Variants in PUM1 observed in about 807,000 individuals in gnomAD.
PUM1 encodes pumilio homolog 1.
In PUM1, 13 loss-of-function variants were observed where a neutral mutation model predicts 131.8. That is an observed-to-expected ratio of 0.10 (90% CI 0.06 to 0.16). The LOEUF is 0.16. Ranked by LOEUF, PUM1 falls within the 10% of genes least tolerant of loss-of-function variation. PUM1 has a pLI of 1.00. For missense variants in PUM1, 961 were observed against 1,512.4 expected (o/e 0.64, Z 6.05); for synonymous variants, 509 against 556.5 (o/e 0.91, Z 1.20).
rs58848270 is a variant in PUM1 at position 30,942,191 on chromosome 1, T to TTATATA, written c.2995-74_2995-69dup. On this transcript the variant is annotated intron_variant, in intron 18 of 21. Transcript: ENST00000426105. ...ACCACCTTCAATGCTTCAGTATTGTTTATATATATATATATATATATATAT... is the reference window on the plus strand; with the variant it reads ...ACCACCTTCAATGCTTCAGTATTGTTTATATATATATATATATATATATATATATAT... The TTATATA allele has an allele frequency of 7.9e-3, 1,145 of 144,734 alleles. 49 individuals are homozygous for TTATATA. The highest frequency in any genetic ancestry group is 0.012 in the African/African-American group (199 of 16,516). The allele number at this position is 144,734 out of a possible 1,614,324, so 9.0% of individuals were successfully genotyped here.
intron 1 of PUM1, among the ~76,000 whole-genome samples, chr1:31,063,227 CA>C (rs1403747459): frequency 6.6e-6 from 1 of 152,156 alleles, no homozygotes; most frequent in African/African-American, 2.4e-5. Context: ...TTTCACTAAA[CA>C]AAACTACCTG....
At chr1:31,038,974 A>ATTTTTTTTTTTT (rs1557599182) in intron 2 of PUM1, among the ~76,000 whole-genome samples, 7 of 30,702 alleles carry the variant, frequency 2.3e-4, no homozygotes, top group African/African-American at 1.6e-3. Flanking sequence ...ATATATATAT[A>ATTTTTTTTTTTT]TATATATATA....
At chr1:30,940,334 G>A (rs1164868022) in intron 20 of PUM1, among the ~76,000 whole-genome samples, 4 of 152,124 alleles carry the variant, frequency 2.6e-5, no homozygotes, top group Admixed American at 2.6e-4. Context: ...AAAGTAGCTG[G>A]GCGTGGTGGC....
At chr1:30,950,041 C>T (rs1639862646) in intron 17 of PUM1, 86 bp downstream of exon 17, 1 of 1,447,294 alleles carries the variant, frequency 6.9e-7, no homozygotes, top group South Asian at 1.5e-5. Flanking sequence ...TAAAAGAAAA[C>T]TGAAAATTGA....
At chr1:30,994,668 G>A (rs1317194085) in intron 6 of PUM1, among the ~76,000 whole-genome samples, 9 of 152,126 alleles carry the variant, frequency 5.9e-5, no homozygotes, top group Non-Finnish European at 1.2e-4. Flanking sequence ...ACCACCAGAG[G>A]GATATGACAT....
At position 30,952,277 on chromosome 1, in the gene PUM1, A is replaced by G. The variant is rs1212782532; in HGVS notation, c.2678T>C (p.Met893Thr). Residue 893 changes from methionine (M) to threonine (T), a missense_variant, in exon 16 of 22, where the codon ATG becomes ACG. Physicochemically the swap from Met to Thr is moderately conservative, Grantham distance 81. Transcript: ENST00000426105. Reference protein sequence around the residue: ...NEILQAAYQLMVDVFGNYVIQ... With the variant: ...NEILQAAYQLTVDVFGNYVIQ... ...GACGTAATTACCAAACACATCCACC[A>G]TGAGTTGGTAGGCAGCCTGGAGGAT... 6.2e-7 allele frequency: 1 copy of G among 1,613,876 alleles called. No individual in the cohort carries two copies. The highest frequency in any genetic ancestry group is 8.5e-7 in the Non-Finnish European group (1 of 1,179,870).
chr1:31,058,534 C>T (rs1342452841), intron 2 of PUM1, among the ~76,000 whole-genome samples: 3 of 151,922 alleles, frequency 2.0e-5, no homozygotes, highest in Admixed American at 2.0e-4. Context: ...ATGGTGCGGG[C>T]ACCTGTAGTC....
At chr1:30,993,724 C>G (rs892906540) in intron 6 of PUM1, among the ~76,000 whole-genome samples, 3 of 152,158 alleles carry the variant, frequency 2.0e-5, no homozygotes, top group Non-Finnish European at 4.4e-5. Context: ...CTGAACTCAT[C>G]TGAAAGACCT....
Position 30,936,772 on chromosome 1 carries a change from C to T in PUM1, c.3306G>A (p.Glu1102=). The change falls in exon 21 of 22, where the codon GAG becomes GAA. Residue 1102 remains glutamate, a synonymous_variant. Transcript: ENST00000426105. ...SRTERAVLID[E]VCTMNDGPHS... Reference sequence around the variant, plus strand: ...GGGGACCGTCGTTCATGGTGCACACCTCATCGATGAGCACAGCGCGCTCCG... The same window carrying T: ...GGGGACCGTCGTTCATGGTGCACACTTCATCGATGAGCACAGCGCGCTCCG... The T allele has an allele frequency of 6.2e-7, 1 of 1,613,984 alleles. No individual in the cohort carries two copies.
intron 10 of PUM1, among the ~76,000 whole-genome samples, chr1:30,971,203 C>T (rs907936881): frequency 6.6e-6 from 1 of 152,140 alleles, no homozygotes; most frequent in Non-Finnish European, 1.5e-5. Flanking sequence ...TTGACTAGAA[C>T]GCAACATATA....
intron 10 of PUM1, among the ~76,000 whole-genome samples, chr1:30,969,070 G>A (rs185907590): frequency 1.6e-4 from 25 of 152,214 alleles, no homozygotes; most frequent in South Asian, 6.2e-4. Flanking sequence ...TTGGGAGGCC[G>A]AGGCAGGTGG....
At chr1:30,939,879 T>A (rs1014051978) in intron 20 of PUM1, among the ~76,000 whole-genome samples, 7 of 152,150 alleles carry the variant, frequency 4.6e-5, no homozygotes, top group African/African-American at 1.2e-4. Flanking sequence ...TCTTTTTTTT[T>A]AAATTGTTTT....
At chr1:30,951,699 A>G (rs754653310) in intron 16 of PUM1, among the ~76,000 whole-genome samples, 6 of 152,212 alleles carry the variant, frequency 3.9e-5, no homozygotes, top group Non-Finnish European at 8.8e-5. Flanking sequence ...TTCCAAAGAC[A>G]ATGATACAAC....
intron 6 of PUM1, 57 bp from the exon 7 acceptor site, chr1:30,992,717 C>T (rs1328420508): frequency 6.7e-7 from 1 of 1,494,194 alleles, no homozygotes; most frequent in Admixed American, 1.9e-5. Context: ...GGGACTACAG[C>T]AACCCAAGTT....
chr1:31,017,536 T>C (rs1342972447), intron 3 of PUM1, among the ~76,000 whole-genome samples: 1 of 151,888 alleles, frequency 6.6e-6, no homozygotes, highest in South Asian at 2.1e-4. Context: ...TTTTTTTTTT[T>C]AGTTCATCAG....
chr1:30,970,642 C>G (rs1640839697), intron 10 of PUM1, among the ~76,000 whole-genome samples: 1 of 152,082 alleles, frequency 6.6e-6, no homozygotes, highest in Non-Finnish European at 1.5e-5. Flanking sequence ...TTAGAATTTA[C>G]ATACCCAATA....
intron 9 of PUM1, 80 bp from the exon 10 acceptor site, chr1:30,974,882 A>C: frequency 1.2e-5 from 13 of 1,061,262 alleles, no homozygotes; most frequent in South Asian, 1.6e-5. Flanking sequence ...CATCTGACTC[A>C]ATAGATCCTA....
At chr1:30,950,632 G>T (rs1050755080) in intron 16 of PUM1, among the ~76,000 whole-genome samples, 1 of 152,186 alleles carries the variant, frequency 6.6e-6, no homozygotes, top group Non-Finnish European at 1.5e-5. Flanking sequence ...GGCCAAGGAG[G>T]GTGGATCACC....
chr1:31,008,262 G>A (rs549448251), intron 3 of PUM1, among the ~76,000 whole-genome samples: 10 of 151,960 alleles, frequency 6.6e-5, no homozygotes, highest in Admixed American at 3.3e-4. Flanking sequence ...TGGGTTTCTC[G>A]GCATAATTTT....
Sources: allele counts gnomAD v4.1 joint callset (sites outside exome capture counted in the v4.1 genomes callset), GRCh38; gene constraint gnomAD v4.1.1; transcripts MANE v1.5; gene names NCBI Gene and HGNC (gene_info 2026-07-23, HGNC 2026-07-21).